The following ATG14 variants were observed in gnomAD, a reference collection of about 807,000 sequenced individuals.
ATG14 encodes autophagy related 14, also known as beclin 1-associated autophagy-related key regulator.
In ATG14, 35 loss-of-function variants were observed where a neutral mutation model predicts 60.4. That is an observed-to-expected ratio of 0.58 (90% confidence interval 0.44 to 0.77). The LOEUF (loss-of-function observed/expected upper bound fraction) is 0.77. Ranked by LOEUF, ATG14 falls within the 30% of genes least tolerant of loss-of-function variation. The pLI, the probability that ATG14 is intolerant of heterozygous loss-of-function variation, is 0.00. For synonymous variants in ATG14, 234 were observed against 228.8 expected, an observed-to-expected ratio of 1.02 and a Z score of -0.21; for missense variants, 647 against 626.3, an observed-to-expected ratio of 1.03 and a Z score of -0.35.
intron 9 of ATG14, among the ~76,000 whole-genome samples, chr14:55,374,171 G>A (rs1357151179): frequency 6.6e-6 from 1 of 152,124 alleles, no homozygotes; most frequent in Non-Finnish European, 1.5e-5. Context: ...GGTTGCAAAT[G>A]GAAACTTGTT....
chr14:55,395,798 T>C (rs1442351686), intron 3 of ATG14, 142 bp downstream of exon 3: 6 of 472,992 alleles, frequency 1.3e-5, no homozygotes, highest in East Asian at 3.6e-5. Flanking sequence ...GATGAAATAT[T>C]TGAGAAAGCC....
intron 5 of ATG14, among the ~76,000 whole-genome samples, chr14:55,383,200 G>A (rs1229697448): frequency 1.3e-5 from 2 of 152,102 alleles, no homozygotes; most frequent in Non-Finnish European, 2.9e-5. Flanking sequence ...GTATTCACAG[G>A]TTCCATGTCT....
rs80269278 is a variant in ATG14, at chr14:55,369,289, G to A, written c.*330C>T. 453 of 189,642 alleles carry A rather than the reference G, an allele frequency of 2.4e-3. No individual in the cohort carries two copies. Among genetic ancestry groups the A allele is most frequent in the Middle Eastern group, 5.8e-3 (3 of 516 alleles). The allele number at this position is 189,642 out of a possible 1,614,324, so 11.7% of individuals were successfully genotyped here. ...GACCAGCACACTGACCCATATCTGTGGGCCCGGTGGCCCGGGCCCAGAGGG... is the reference window on the plus strand; with the variant it reads ...GACCAGCACACTGACCCATATCTGTAGGCCCGGTGGCCCGGGCCCAGAGGG... On this transcript the variant is annotated 3_prime_UTR_variant, in exon 10 of 10. Transcript: ENST00000247178.
intron 1 of ATG14, among the ~76,000 whole-genome samples, chr14:55,404,898 TA>T (rs1885465350): frequency 6.6e-6 from 1 of 152,164 alleles, no homozygotes; most frequent in Non-Finnish European, 1.5e-5. Context: ...TTCCTCTGCT[TA>T]AAATACATTA....
At chr14:55,376,372 A>G (rs1019002283) in intron 9 of ATG14, among the ~76,000 whole-genome samples, 1 of 152,238 alleles carries the variant, frequency 6.6e-6, no homozygotes, top group Non-Finnish European at 1.5e-5. Flanking sequence ...CACAGAAACC[A>G]ACCATCAAAA....
chr14:55,380,709 C>G lies in ATG14; in HGVS notation c.878-19G>C. The G allele has an allele frequency of 1.3e-6, 2 of 1,519,136 alleles. No homozygotes were observed. Among genetic ancestry groups the G allele is most frequent in the Non-Finnish European group, 1.8e-6 (2 of 1,109,316 alleles). 94.1% of individuals were successfully genotyped at this position (1,519,136 alleles called of 1,614,324 possible). A position where few individuals can be genotyped will look rare whatever the true frequency, so the allele number is the denominator to read the frequency against. The stretch of plus-strand genomic sequence containing the variant: ...TCCATGTCTGCAGTAAGAAAACAAC[C>G]ACCATGTACAAAACCTTAATTCCAA... On this transcript the variant is annotated intron_variant, in intron 6 of 9. Transcript: ENST00000247178.
chr14:55,381,914 C>T, intron 6 of ATG14, 48 bp downstream of exon 6: 2 of 1,512,194 alleles, frequency 1.3e-6, no homozygotes, highest in Admixed American at 1.7e-5. Flanking sequence ...TCAATTTTAC[C>T]TATAACTCTC....
chr14:55,372,477 C>G lies in ATG14; in HGVS notation c.1173-2552G>C, dbSNP rs113415172. Reference sequence around the variant, plus strand: ...CAGAACTGACTGCCAGGCTAAGTCTCTCATCTTCCCCAGGATCCCCCAAAG... The same window carrying G: ...CAGAACTGACTGCCAGGCTAAGTCTGTCATCTTCCCCAGGATCCCCCAAAG... On this transcript the variant is annotated intron_variant, in intron 9 of 9. Transcript: ENST00000247178. Among the ~76,000 whole-genome samples, 170 of 152,266 alleles carry G rather than the reference C, an allele frequency of 1.1e-3. 1 individual carries two copies. The highest frequency in any genetic ancestry group is 3.9e-3 in the African/African-American group (164 of 41,550).
At chr14:55,406,092 T>C (rs1885486351) in intron 1 of ATG14, among the ~76,000 whole-genome samples, 1 of 152,206 alleles carries the variant, frequency 6.6e-6, no homozygotes, top group Non-Finnish European at 1.5e-5. Context: ...TCCCCAAAAG[T>C]AAAGACACAT....
At chr14:55,398,414 A>G (rs543495279) in intron 1 of ATG14, among the ~76,000 whole-genome samples, 33 of 151,558 alleles carry the variant, frequency 2.2e-4, no homozygotes, top group Non-Finnish European at 4.3e-4. Flanking sequence ...GAAGTTTAAA[A>G]TCTCCTTCTA....
At chr14:55,405,096 C>T (rs1885468158) in intron 1 of ATG14, among the ~76,000 whole-genome samples, 2 of 152,072 alleles carry the variant, frequency 1.3e-5, no homozygotes, top group Admixed American at 1.3e-4. Flanking sequence ...GAATTGAGAC[C>T]CTCTGAAGGA....
chr14:55,405,893 G>T (rs748572089), intron 1 of ATG14, among the ~76,000 whole-genome samples: 2 of 152,024 alleles, frequency 1.3e-5, no homozygotes, highest in Non-Finnish European at 2.9e-5. Flanking sequence ...GGGTGGCGGG[G>T]GGGGCAGGGG....
At chr14:55,411,567 C>G in intron 1 of ATG14, 35 bp downstream of exon 1, 1 of 1,573,360 alleles carries the variant, frequency 6.4e-7, no homozygotes, top group Non-Finnish European at 8.6e-7. Flanking sequence ...GGACACACAG[C>G]AGAAGAAACA....
Position 55,402,427 on chromosome 14 carries a change from A to G in ATG14, c.222-4993T>C, listed in dbSNP as rs117021069. Among the ~76,000 whole-genome samples the G allele has an allele frequency of 2.6e-3, 394 of 152,322 alleles. 1 individual carries two copies. Among genetic ancestry groups the G allele is most frequent in the Admixed American group, 5.9e-3 (91 of 15,300 alleles). On this transcript the variant is annotated intron_variant, in intron 1 of 9. Coordinates refer to ENST00000247178, the MANE Select transcript of ATG14 (RefSeq NM_014924.5). ...TCGGTTATTGCATTTCAAAGAATCT[A>G]TCCTAAGAAAATAACAGAGATGAGG...
At chr14:55,410,004 G>T (rs1436766623) in intron 1 of ATG14, among the ~76,000 whole-genome samples, 1 of 151,936 alleles carries the variant, frequency 6.6e-6, no homozygotes, top group Admixed American at 6.6e-5. Context: ...TGTAAGATAA[G>T]TTTTGAAGAG....
rs567831345 is a variant in ATG14 at position 55,373,014 on chromosome 14, G to C, written c.1173-3089C>G. Among the ~76,000 whole-genome samples the C allele has an allele frequency of 1.2e-4, 19 of 152,252 alleles. No individual in the cohort carries two copies. In the South Asian group the frequency reaches 3.9e-3, roughly 31 times the overall value. On this transcript the variant is annotated intron_variant, in intron 9 of 9. Transcript: ENST00000247178. ...TGAGAAGCCACAGAGCAGGAGGAGA[G>C]GCCCCTGCGATGTTTCTCCACCCAG...
chr14:55,387,060 C>T (rs1885137300), intron 4 of ATG14, among the ~76,000 whole-genome samples: 1 of 151,942 alleles, frequency 6.6e-6, no homozygotes, highest in Admixed American at 6.6e-5. Context: ...TATCACAATC[C>T]TAGTTAACGC....
chr14:55,397,995 T>G (rs1187303393), intron 1 of ATG14, among the ~76,000 whole-genome samples: 1 of 144,618 alleles, frequency 6.9e-6, no homozygotes, highest in Admixed American at 7.0e-5. Context: ...TCACCCAGGC[T>G]GGGGTGTAGT....
intron 7 of ATG14, among the ~76,000 whole-genome samples, chr14:55,380,208 A>G (rs1389289038): frequency 6.6e-6 from 1 of 152,294 alleles, no homozygotes; most frequent in East Asian, 1.9e-4. Flanking sequence ...AGATTGCGCC[A>G]CTGCACTCTG....
Sources: gnomAD v4.1 joint callset for allele counts (sites outside exome capture counted in the v4.1 genomes callset) on GRCh38, gnomAD v4.1.1 for gene constraint, MANE v1.5 for transcripts, NCBI Gene and HGNC (gene_info 2026-07-23, HGNC 2026-07-21) for gene names.